The following NEK11 variants were observed in gnomAD, a reference collection of about 807,000 sequenced individuals.
NEK11 encodes the protein serine/threonine-protein kinase Nek11.
In NEK11, 72 loss-of-function variants were observed where a neutral mutation model predicts 80.7. The ratio of observed to expected loss-of-function variants is 0.89; its 90% CI spans 0.74 to 1.08. NEK11 has a LOEUF of 1.08. Among genes scored for constraint, NEK11 ranks in the 50% least tolerant of loss-of-function variants. The pLI, the probability that NEK11 is intolerant of heterozygous loss-of-function variation, is 0.00. For synonymous variants in NEK11, 251 were observed against 260.7 expected (o/e 0.96, Z 0.36); for missense variants, 764 against 763.6 (o/e 1.00, Z -0.01).
At chr3:131,117,467 T>A (rs1444876547) in intron 5 of NEK11, among the ~76,000 whole-genome samples, 1 of 152,250 alleles carries the variant, frequency 6.6e-6, no homozygotes, top group African/African-American at 2.4e-5. Flanking sequence ...GGGCTCTTTT[T>A]TGGTTCCATA....
intron 15 of NEK11, among the ~76,000 whole-genome samples, chr3:131,235,570 G>A (rs768483645): frequency 4.6e-5 from 7 of 152,236 alleles, no homozygotes; most frequent in East Asian, 1.9e-4. Context: ...GGGGTGCATT[G>A]TTCCCACATA....
intron 14 of NEK11, among the ~76,000 whole-genome samples, chr3:131,219,404 A>C (rs1192473628): frequency 6.6e-6 from 1 of 151,766 alleles, no homozygotes; most frequent in Non-Finnish European, 1.5e-5. Flanking sequence ...GGGGTGGGGG[A>C]CTAGGGGAGG....
At chr3:131,229,932 T>A (rs958843435) in intron 15 of NEK11, among the ~76,000 whole-genome samples, 2 of 152,086 alleles carry the variant, frequency 1.3e-5, no homozygotes, top group Admixed American at 1.3e-4. Context: ...CGTTTCCCCA[T>A]TTTTTTCCAA....
intron 12 of NEK11, among the ~76,000 whole-genome samples, chr3:131,166,156 G>A (rs536094197): frequency 1.3e-5 from 2 of 152,316 alleles, no homozygotes; most frequent in African/African-American, 4.8e-5. Context: ...TCAAATTTGG[G>A]CAATAGACAT....
intron 5 of NEK11, among the ~76,000 whole-genome samples, chr3:131,119,952 T>C (rs1157004123): frequency 1.3e-5 from 2 of 152,238 alleles, no homozygotes; most frequent in Non-Finnish European, 2.9e-5. Context: ...TCTGTGTCTT[T>C]TAATTGGAGC....
chr3:131,262,552 G>A (rs904324516), intron 16 of NEK11, among the ~76,000 whole-genome samples: 2 of 151,968 alleles, frequency 1.3e-5, no homozygotes, highest in Non-Finnish European at 2.9e-5. Flanking sequence ...ATAACCTGTA[G>A]TACAATGTTA....
chr3:131,325,824 C>T (rs1334786300), intron 17 of NEK11: 6 of 152,086 alleles, frequency 3.9e-5, no homozygotes, highest in Non-Finnish European at 8.8e-5. Context: ...TACTTAATTG[C>T]TATTGTTATT....
At chr3:131,070,128 C>T (rs1361103824) in intron 3 of NEK11, among the ~76,000 whole-genome samples, 1 of 152,138 alleles carries the variant, frequency 6.6e-6, no homozygotes, top group Non-Finnish European at 1.5e-5. Flanking sequence ...TCCTTATTAA[C>T]ATTGTTATGC....
intron 9 of NEK11, among the ~76,000 whole-genome samples, chr3:131,154,078 G>A (rs563304369): frequency 6.6e-6 from 1 of 152,246 alleles, no homozygotes; most frequent in South Asian, 2.1e-4. Flanking sequence ...TCTTATGCAA[G>A]CATATGCTCT....
chr3:131,143,543 G>C (rs1328169775), intron 7 of NEK11, among the ~76,000 whole-genome samples: 1 of 151,798 alleles, frequency 6.6e-6, no homozygotes, highest in East Asian at 1.9e-4. Context: ...TTTCATATGT[G>C]GATTCAAGAA....
chr3:131,193,223 G>A (rs1298677204), intron 14 of NEK11, among the ~76,000 whole-genome samples: 1 of 152,096 alleles, frequency 6.6e-6, no homozygotes, highest in Non-Finnish European at 1.5e-5. Flanking sequence ...TAGCCTAAGA[G>A]AAGGCAGTGG....
chr3:131,343,763 GA>G (rs1445472693), intron 17 of NEK11, among the ~76,000 whole-genome samples: 1 of 152,208 alleles, frequency 6.6e-6, no homozygotes, highest in Non-Finnish European at 1.5e-5. Context: ...AACCAAGGCT[GA>G]AACCAGAGCA....
chr3:131,299,148 A>AG (rs2096633905), intron 17 of NEK11, among the ~76,000 whole-genome samples: 1 of 152,208 alleles, frequency 6.6e-6, no homozygotes. Context: ...GTGTGTAGCA[A>AG]GGGTGTGATG....
At chr3:131,230,556 C>T (rs568377726) in intron 15 of NEK11, among the ~76,000 whole-genome samples, 3 of 152,220 alleles carry the variant, frequency 2.0e-5, no homozygotes, top group Admixed American at 1.3e-4. Flanking sequence ...TATCCAGTAC[C>T]TCTTTATGAT....
intron 17 of NEK11, among the ~76,000 whole-genome samples, chr3:131,310,329 TCAGGTGCC>T (rs1469956645): frequency 6.6e-6 from 1 of 152,218 alleles, no homozygotes; most frequent in Non-Finnish European, 1.5e-5. Context: ...GGGACAGTTT[TCAGGTGCC>T]CATAGGTTTG....
chr3:131,167,841 G>A (rs2092366767), intron 12 of NEK11, among the ~76,000 whole-genome samples: 1 of 152,288 alleles, frequency 6.6e-6, no homozygotes, highest in South Asian at 2.1e-4. Flanking sequence ...GGAGCAGGAG[G>A]GGAAGCGACC....
intron 14 of NEK11, among the ~76,000 whole-genome samples, chr3:131,205,652 A>T (rs1313560964): frequency 2.6e-5 from 4 of 152,170 alleles, no homozygotes; most frequent in African/African-American, 7.2e-5. Context: ...GACTTTTCAA[A>T]ATGACTAATG....
chr3:131,227,066 C>T (rs146518589), intron 14 of NEK11, among the ~76,000 whole-genome samples: 10 of 150,960 alleles, frequency 6.6e-5, no homozygotes, highest in East Asian at 1.9e-4. Context: ...AAAAAAAATA[C>T]GCTGTGTTGA....
At chr3:131,331,877 G>C (rs1053277050) in intron 17 of NEK11, among the ~76,000 whole-genome samples, 2 of 152,072 alleles carry the variant, frequency 1.3e-5, no homozygotes, top group African/African-American at 4.8e-5. Context: ...ACAGCGGTCT[G>C]AGATCAAACT....
Sources: gnomAD v4.1 joint callset for allele counts (sites outside exome capture counted in the v4.1 genomes callset) on GRCh38, gnomAD v4.1.1 for gene constraint, MANE v1.5 for transcripts, NCBI Gene and HGNC (gene_info 2026-07-23, HGNC 2026-07-21) for gene names.